The following CEP170B variants were observed in gnomAD, a reference collection of about 807,000 sequenced individuals.
CEP170B encodes the protein centrosomal protein of 170 kDa protein B.
Under a neutral mutation model 120.6 loss-of-function variants are expected in CEP170B, and 55 were observed. That is an observed-to-expected ratio of 0.46 (90% confidence interval 0.37 to 0.57). The LOEUF (loss-of-function observed/expected upper bound fraction) is 0.57. Ranked by LOEUF, CEP170B falls within the 20% of genes least tolerant of loss-of-function variation. CEP170B has a pLI of 0.00. For missense variants in CEP170B, 2,212 were observed against 2,253.3 expected (o/e 0.98, Z 0.37); for synonymous variants, 1,033 against 954.5 (o/e 1.08, Z -1.52).
At chr14:104,888,139 GCA>G (rs577315558) in intron 12 of CEP170B, among the ~76,000 whole-genome samples, 161 bp downstream of exon 12, 1 of 152,202 alleles carries the variant, frequency 6.6e-6, no homozygotes, top group East Asian at 1.9e-4. Flanking sequence ...GGACTCACGT[GCA>G]CACACACACG....
Position 104,872,717 on chromosome 14 carries a change from G to A in CEP170B, c.106-3539G>A, listed in dbSNP as rs138552972. On this transcript the variant is annotated intron_variant, in intron 2 of 18. Transcript: ENST00000414716. ...TGCATCGAGCCGGTCTGCTGCGGGT[G>A]CCTGTGGCCGCCAATGGGGAACTCG... 2.1e-3 allele frequency among the ~76,000 whole-genome samples: 315 copies of A among 152,264 alleles called. 4 individuals are homozygous for A. In the East Asian group the frequency reaches 0.024, roughly 12 times the overall value.
chr14:104,880,252 G>C, intron 5 of CEP170B, 35 bp from the exon 6 acceptor site: 2 of 1,563,100 alleles, frequency 1.3e-6, no homozygotes, highest in Non-Finnish European at 1.7e-6. Flanking sequence ...CCTGAGGCTG[G>C]GCCCAGTACC....
At position 104,868,387 on chromosome 14, in the gene CEP170B, C is replaced by T; in HGVS notation, c.-27-37C>T. 1 of 1,434,794 alleles carries T rather than the reference C, an allele frequency of 7.0e-7. No individual in the cohort carries two copies. The highest frequency in any genetic ancestry group is 9.5e-7 in the Non-Finnish European group (1 of 1,050,026). 88.9% of individuals were successfully genotyped at this position (1,434,794 alleles called of 1,614,324 possible). ...TGTGTCCAGGGGGCTAAGAACCAGG[C>T]CAGGGAGCCCCACTCTAACAATCCC... On this transcript the variant is annotated intron_variant, in intron 1 of 18. Transcript: ENST00000414716. The surrounding 1 kb of genome is among the most constrained non-coding windows in gnomAD (Gnocchi z 5.9).
chr14:104,886,167 GC>G (rs1566866461), intron 11 of CEP170B, 37 bp downstream of exon 11: 5 of 1,493,298 alleles, frequency 3.3e-6, no homozygotes, highest in Non-Finnish European at 4.5e-6. Flanking sequence ...GTCGGGCCAG[GC>G]CGGGGCGGGC....
Position 104,886,654 on chromosome 14 carries a change from C to T in CEP170B, c.2415C>T (p.Asp805=), listed in dbSNP as rs751888605. 3.2e-5 allele frequency: 49 copies of T among 1,531,776 alleles called. No individual in the cohort carries two copies. Among genetic ancestry groups the T allele is most frequent in the Middle Eastern group, 3.5e-4 (2 of 5,682 alleles). 94.9% of individuals were successfully genotyped at this position (1,531,776 alleles called of 1,614,324 possible). A position where few individuals can be genotyped will look rare whatever the true frequency, so the allele number is the denominator to read the frequency against. ...ASFFIGDQNG[D]AVLSRKPLAA... ...TCTTCATTGGGGACCAGAATGGGGA[C>T]GCTGTGTTATCTAGGAAACCGCTTG... Residue 805 remains aspartate (D), a synonymous_variant, in exon 12 of 19, where the codon GAC becomes GAT. Transcript: ENST00000414716.
At position 104,887,131 on chromosome 14, in the gene CEP170B, G is replaced by A. The variant is rs904670370; in HGVS notation, c.2892G>A (p.Leu964=). The part of the protein sequence containing the change: ...SDVDTASTVS[L]RSGKSGPSPT... ...TGGACACAGCCAGCACCGTCAGCCT[G>A]CGTAGTGGCAAGAGCGGGCCCAGCC... Residue 964 remains leucine (L), a synonymous_variant, in exon 12 of 19, where the codon CTG becomes CTA. Coordinates refer to ENST00000414716, the MANE Select transcript of CEP170B (RefSeq NM_001112726.3). The A allele has an allele frequency of 3.7e-6, 6 of 1,610,376 alleles. No homozygotes were observed. Among genetic ancestry groups the A allele is most frequent in the African/African-American group, 1.3e-5 (1 of 74,928 alleles).
rs754507829 is a variant in CEP170B at position 104,886,786 on chromosome 14, G to A, written c.2547G>A (p.Arg849=). The A allele has an allele frequency of 3.1e-6, 5 of 1,611,474 alleles. No homozygotes were observed. Among genetic ancestry groups the A allele is most frequent in the East Asian group, 2.2e-5 (1 of 44,892 alleles). ...SANGRMVIQL[R]PGRSPEPDGP... ...ATGGGAGAATGGTCATCCAGCTACGGCCTGGACGGTCCCCAGAACCCGACG... is the reference window on the plus strand; with the variant it reads ...ATGGGAGAATGGTCATCCAGCTACGACCTGGACGGTCCCCAGAACCCGACG... The change falls in exon 12 of 19, where the codon CGG becomes CGA. Residue 849 remains arginine, a synonymous_variant. Transcript: ENST00000414716.
intron 2 of CEP170B, among the ~76,000 whole-genome samples, chr14:104,875,690 A>C (rs1895807337): frequency 6.6e-6 from 1 of 152,150 alleles, no homozygotes; most frequent in Non-Finnish European, 1.5e-5. Context: ...CCAGTGGGGC[A>C]GTGATGGGGG....
chr14:104,880,211 G>T, intron 5 of CEP170B, 76 bp from the exon 6 acceptor site: 1 of 1,532,834 alleles, frequency 6.5e-7, no homozygotes, highest in Non-Finnish European at 8.8e-7. Context: ...TGGATGGAGA[G>T]GAGAGGCTGG....
At position 104,891,548 on chromosome 14, in the gene CEP170B, G is replaced by A. The variant is rs1896857295; in HGVS notation, c.3879-1428G>A. The stretch of plus-strand genomic sequence containing the variant: ...CTTGGAAGGATGGGGACTGGGGACA[G>A]GGCTCTTGGGATGCTTGAGGTATTG... On this transcript the variant is annotated intron_variant, in intron 13 of 18. Coordinates refer to ENST00000414716, the MANE Select transcript of CEP170B (RefSeq NM_001112726.3). The surrounding 1 kb of genome is among the most constrained non-coding windows in gnomAD (Gnocchi z 4.3). Among the ~76,000 whole-genome samples the A allele has an allele frequency of 6.6e-6, 1 of 152,108 alleles. No individual in the cohort carries two copies. The highest frequency in any genetic ancestry group is 2.4e-5 in the African/African-American group (1 of 41,390).
intron 5 of CEP170B, among the ~76,000 whole-genome samples, 154 bp from the exon 6 acceptor site, chr14:104,880,133 G>A (rs936870917): frequency 6.6e-5 from 10 of 152,198 alleles, no homozygotes; most frequent in Non-Finnish European, 1.3e-4. Flanking sequence ...GGCAGGCTGA[G>A]GCTCTGTCTG....
chr14:104,893,659 G>A lies in CEP170B; in HGVS notation c.4175G>A (p.Arg1392Gln), dbSNP rs746786156. The change falls in exon 15 of 19, where the codon CGA becomes CAA. Residue 1392 changes from arginine to glutamine, a missense_variant. Arg to Gln is a conservative substitution (Grantham distance 43). Coordinates refer to ENST00000414716, the MANE Select transcript of CEP170B (RefSeq NM_001112726.3). ...ALANKTRPRN[R>Q]EEVIFDNLML... ...GCCAACAAGACGCGGCCTCGGAACC[G>A]AGAGGAGGCACGGTGCCCACTACCG... 2.0e-5 allele frequency: 32 copies of A among 1,586,804 alleles called. 1 individual carries two copies. The East Asian group carries it at 3.0e-4, about 15-fold the overall frequency.
rs767142336 is a variant in CEP170B, at chr14:104,894,789, C to A, written c.4496C>A (p.Pro1499Gln). 1 of 1,607,358 alleles carries A rather than the reference C, an allele frequency of 6.2e-7. No homozygotes were observed. The highest frequency in any genetic ancestry group is 1.1e-5 in the South Asian group (1 of 90,926). ...GNRSLASSAQPGLGKGRVAAQ... is the reference protein window; with the variant it reads ...GNRSLASSAQQGLGKGRVAAQ... ...AGGAGCTTGGCCAGCTCTGCACAGC[C>A]GGGGCTGGGGAAGGGCCGCGTGGCT... Residue 1499 changes from proline to glutamine, a missense_variant, in exon 19 of 19, where the codon CCG (proline) becomes CAG (glutamine). Physicochemically the swap from Pro to Gln is moderately conservative, Grantham distance 76. Around this residue, in one of 2 missense-constraint regions of CEP170B, gnomAD observed 2,166 missense variants for 2,166.7 expected, o/e 1.00. Transcript: ENST00000414716.
At chr14:104,876,464 C>A (rs951189232) in intron 3 of CEP170B, 119 bp downstream of exon 3, 38 of 907,890 alleles carry the variant, frequency 4.2e-5, no homozygotes, top group Non-Finnish European at 5.8e-5. Context: ...CCTGGCCCCT[C>A]CCTCTCAGTT....
chr14:104,877,836 A>ACCCCCCCCCCCCCCCCCCCCCCCCC, intron 3 of CEP170B, 49 bp from the exon 4 acceptor site: 2 of 237,070 alleles, frequency 8.4e-6, no homozygotes, highest in Non-Finnish European at 6.7e-6. Context: ...GCCCACAGCC[A>ACCCCCCCCCCCCCCCCCCCCCCCCC]CCCACCCGCG....
rs1247866437 is a variant in CEP170B, at chr14:104,894,924, C to T, written c.4631C>T (p.Thr1544Ile). The change falls in exon 19 of 19, where the codon ACC becomes ATC. Residue 1544 changes from threonine (T) to isoleucine (I), a missense_variant. By Grantham distance (89) the Thr-to-Ile change is moderately conservative (BLOSUM62 -1). Coordinates refer to ENST00000414716, the MANE Select transcript of CEP170B (RefSeq NM_001112726.3). ...SCGPPSLPDPTFLPDAERFLI is the reference protein window; with the variant it reads ...SCGPPSLPDPIFLPDAERFLI ...GGGCCTCCCAGCCTCCCGGACCCCA[C>T]CTTCCTCCCTGATGCCGAGAGGTTC... The T allele has an allele frequency of 4.4e-6, 7 of 1,593,528 alleles. No individual in the cohort carries two copies. Among genetic ancestry groups the T allele is most frequent in the Admixed American group, 1.8e-5 (1 of 56,618 alleles).
At position 104,877,950 on chromosome 14, in the gene CEP170B, C is replaced by T. The variant is rs1184591893; in HGVS notation, c.261C>T (p.Ile87=). ...KYVTLKLNDV[I]RFGYDSNMYV... ...TCACGCTGAAGCTCAACGATGTCAT[C>T]CGCTTCGGCTACGATATCCTGCCCC... Residue 87 remains isoleucine (I), a synonymous_variant, in exon 4 of 19, where the codon ATC becomes ATT. Transcript: ENST00000414716. 2 of 1,608,450 alleles carry T rather than the reference C, an allele frequency of 1.2e-6. No individual in the cohort carries two copies. The highest frequency in any genetic ancestry group is 2.7e-5 in the African/African-American group (2 of 74,486).
At chr14:104,889,401 C>G (rs1004066973) in intron 12 of CEP170B, 1 of 1,219,622 alleles carries the variant, frequency 8.2e-7, no homozygotes, top group Non-Finnish European at 1.1e-6. Flanking sequence ...CCAGCCTCGA[C>G]GCTGCCCAGC....
intron 11 of CEP170B, 43 bp downstream of exon 11, chr14:104,886,173 G>A: frequency 6.7e-7 from 1 of 1,491,660 alleles, no homozygotes; most frequent in Admixed American, 2.2e-5. Flanking sequence ...CCAGGCCGGG[G>A]CGGGCCTCAG....
Sources: allele counts gnomAD v4.1 joint callset (sites outside exome capture counted in the v4.1 genomes callset), GRCh38; gene constraint gnomAD v4.1.1; regional missense constraint gnomAD v4.1.1; non-coding constraint Gnocchi (gnomAD v3.1); transcripts MANE v1.5; gene names NCBI Gene and HGNC (gene_info 2026-07-23, HGNC 2026-07-21).